GRIP1: variants seen among roughly 807,000 people sequenced by gnomAD.
GRIP1 encodes glutamate receptor-interacting protein 1.
GRIP1 carries 45 observed loss-of-function variants against 129.9 expected under a neutral mutation model. The observed-to-expected ratio is 0.35, with a 90% confidence interval of 0.27 to 0.44. The LOEUF (loss-of-function observed/expected upper bound fraction) is 0.44, where lower values mean the gene tolerates loss of function less well. Ranked by LOEUF, GRIP1 falls within the 20% of genes least tolerant of loss-of-function variation. The pLI, the probability that GRIP1 is intolerant of heterozygous loss-of-function variation, is 1.00. For missense variants in GRIP1, 1,196 were observed against 1,396.8 expected (o/e 0.86, Z 2.29); for synonymous variants, 530 against 520.8 (o/e 1.02, Z -0.24).
At chr12:66,706,790 C>T (rs2035543065) in intron 1 of GRIP1, among the ~76,000 whole-genome samples, 1 of 152,170 alleles carries the variant, frequency 6.6e-6, no homozygotes, top group East Asian at 1.9e-4. Flanking sequence ...ACCACATGCT[C>T]TCACTCAAAA....
chr12:66,647,951 C>T (rs1027747800), intron 1 of GRIP1, among the ~76,000 whole-genome samples: 1 of 152,144 alleles, frequency 6.6e-6, no homozygotes, highest in Non-Finnish European at 1.5e-5. Flanking sequence ...AATCTTTAGA[C>T]CTTGTAGAGT....
At chr12:66,767,959 A>G (rs1227946889) in intron 1 of GRIP1, among the ~76,000 whole-genome samples, 1 of 152,236 alleles carries the variant, frequency 6.6e-6, no homozygotes, top group African/African-American at 2.4e-5. Context: ...GTTAAGAATC[A>G]ACGCAATTCC....
intron 2 of GRIP1, among the ~76,000 whole-genome samples, chr12:66,595,136 T>G (rs1437178143): frequency 1.3e-5 from 2 of 152,138 alleles, no homozygotes; most frequent in Non-Finnish European, 2.9e-5. Context: ...CAAAAAGGGT[T>G]CTATCAATGG....
At chr12:66,892,695 C>T (rs1426023142) in intron 1 of GRIP1, among the ~76,000 whole-genome samples, 1 of 152,202 alleles carries the variant, frequency 6.6e-6, no homozygotes, top group East Asian at 1.9e-4. Context: ...GATGTGGTAG[C>T]TCACACGTGC....
At chr12:66,370,639 G>A (rs549922235) in intron 23 of GRIP1, among the ~76,000 whole-genome samples, 65 of 152,274 alleles carry the variant, frequency 4.3e-4, no homozygotes, top group African/African-American at 1.5e-3. Flanking sequence ...TGGTTCTCAA[G>A]AAAGATGGCA....
chr12:66,554,410 C>T (rs1375719507), intron 2 of GRIP1, among the ~76,000 whole-genome samples: 1 of 152,118 alleles, frequency 6.6e-6, no homozygotes, highest in Non-Finnish European at 1.5e-5. Flanking sequence ...TAGTACATGC[C>T]ATGGGCCTTG....
At chr12:67,043,294 A>G (rs1331320479) in intron 1 of GRIP1, among the ~76,000 whole-genome samples, 2 of 152,196 alleles carry the variant, frequency 1.3e-5, no homozygotes, top group Non-Finnish European at 2.9e-5. Context: ...AGGAATCGCT[A>G]AACTCTAGAA....
At chr12:66,985,034 T>C (rs2042291368) in intron 1 of GRIP1, among the ~76,000 whole-genome samples, 1 of 152,218 alleles carries the variant, frequency 6.6e-6, no homozygotes, top group African/African-American at 2.4e-5. Context: ...CTCTTTGAGT[T>C]GATGCTTGCT....
At chr12:66,970,833 G>A (rs142070880) in intron 1 of GRIP1, among the ~76,000 whole-genome samples, 5 of 152,138 alleles carry the variant, frequency 3.3e-5, no homozygotes, top group Admixed American at 2.0e-4. Context: ...GAGGTGCCTC[G>A]AGTCAGAGAA....
At chr12:66,500,529 AG>A (rs2060362972) in intron 7 of GRIP1, among the ~76,000 whole-genome samples, 1 of 152,230 alleles carries the variant, frequency 6.6e-6, no homozygotes, top group Admixed American at 6.5e-5. Flanking sequence ...GGGAATTGTG[AG>A]AACAGATGTC....
At chr12:66,645,552 A>C (rs186743909) in intron 1 of GRIP1, among the ~76,000 whole-genome samples, 239 of 152,322 alleles carry the variant, frequency 1.6e-3, no homozygotes, top group Non-Finnish European at 2.6e-3. Context: ...TAGATTCCAA[A>C]GCCAGAGCTT....
At position 66,473,408 on chromosome 12, in the gene GRIP1, G is replaced by C. The variant is rs375570940; in HGVS notation, c.725-7986C>G. Among the ~76,000 whole-genome samples, 4 of 152,356 alleles carry C rather than the reference G, an allele frequency of 2.6e-5. No individual in the cohort carries two copies. The South Asian group carries it at 8.3e-4, about 32-fold the overall frequency. Reference sequence around the variant, plus strand: ...GGCAGCTATGGGTGCAGTTTCAGCAGACTTAAATGTTCCTGCCTGCTGGCT... The same window carrying C: ...GGCAGCTATGGGTGCAGTTTCAGCACACTTAAATGTTCCTGCCTGCTGGCT... On this transcript the variant is annotated intron_variant, in intron 7 of 24. Transcript: ENST00000359742.
At chr12:66,377,966 G>A (rs2055894501) in intron 20 of GRIP1, among the ~76,000 whole-genome samples, 2 of 52,496 alleles carry the variant, frequency 3.8e-5, no homozygotes, top group Admixed American at 4.3e-4. Context: ...AGAGAAACAT[G>A]TGTTTTTCTC....
At chr12:66,640,576 TG>T (rs1233813647) in intron 1 of GRIP1, among the ~76,000 whole-genome samples, 69 of 152,318 alleles carry the variant, frequency 4.5e-4, no homozygotes, top group Non-Finnish European at 2.1e-4. Flanking sequence ...AAAACTCCTT[TG>T]GTTTCCAGAT....
intron 1 of GRIP1, among the ~76,000 whole-genome samples, chr12:66,937,692 T>C (rs986127031): frequency 2.0e-5 from 3 of 152,112 alleles, no homozygotes; most frequent in Non-Finnish European, 2.9e-5. Flanking sequence ...ATTATGGTGA[T>C]AGGTAAAGTG....
chr12:66,401,639 C>CAT (rs2057005455), intron 16 of GRIP1, among the ~76,000 whole-genome samples: 1 of 148,962 alleles, frequency 6.7e-6, no homozygotes, highest in Non-Finnish European at 1.5e-5. Context: ...CACACACACA[C>CAT]ACACACACAC....
intron 7 of GRIP1, among the ~76,000 whole-genome samples, chr12:66,511,774 A>G (rs997597234): frequency 9.2e-5 from 14 of 152,210 alleles, no homozygotes; most frequent in African/African-American, 3.4e-4. Context: ...ACTGAGAGAC[A>G]AAACTCCTAT....
At chr12:66,455,799 T>A (rs1592356058) in intron 10 of GRIP1, among the ~76,000 whole-genome samples, 1 of 152,322 alleles carries the variant, frequency 6.6e-6, no homozygotes, top group East Asian at 1.9e-4. Flanking sequence ...AGAGACTCTG[T>A]GAGAATTGCT....
At chr12:66,746,288 T>G (rs1326390525) in intron 1 of GRIP1, among the ~76,000 whole-genome samples, 1 of 152,184 alleles carries the variant, frequency 6.6e-6, no homozygotes, top group Non-Finnish European at 1.5e-5. Context: ...GCCACTTATT[T>G]CCATAACTTA....
Sources: allele counts gnomAD v4.1 joint callset (sites outside exome capture counted in the v4.1 genomes callset), GRCh38; gene constraint gnomAD v4.1.1; transcripts MANE v1.5; gene names NCBI Gene and HGNC (gene_info 2026-07-23, HGNC 2026-07-21).